The following RALGPS1 variants were observed in gnomAD, a reference collection of about 807,000 sequenced individuals.
The protein encoded by RALGPS1 is Ral GEF with PH domain and SH3 binding motif 1.
RALGPS1 carries 19 observed loss-of-function variants against 78.8 expected under a neutral mutation model. That is an observed-to-expected ratio of 0.24 (90% CI 0.17 to 0.35). The LOEUF (loss-of-function observed/expected upper bound fraction) is 0.35, where lower values mean the gene tolerates loss of function less well. RALGPS1 is among the 10% of genes least tolerant of loss of function. The pLI, the probability that RALGPS1 is intolerant of heterozygous loss-of-function variation, is 1.00. For missense variants in RALGPS1, 454 were observed against 688.3 expected, an observed-to-expected ratio of 0.66 and a Z score of 3.81; for synonymous variants, 228 against 256.3, an observed-to-expected ratio of 0.89 and a Z score of 1.06.
At chr9:126,960,697 G>A (rs751853353) in intron 1 of RALGPS1, among the ~76,000 whole-genome samples, 20 of 152,018 alleles carry the variant, frequency 1.3e-4, no homozygotes, top group African/African-American at 3.4e-4. Flanking sequence ...ATCATTTTTC[G>A]CAGTGACCTT....
At chr9:127,007,265 A>G (rs1358594903) in intron 4 of RALGPS1, among the ~76,000 whole-genome samples, 1 of 152,340 alleles carries the variant, frequency 6.6e-6, no homozygotes, top group South Asian at 2.1e-4. Context: ...TTTTCCAAAC[A>G]CTTTGCTTCC....
chr9:127,174,000 G>A (rs991381140), intron 10 of RALGPS1, among the ~76,000 whole-genome samples: 8 of 152,018 alleles, frequency 5.3e-5, no homozygotes, highest in African/African-American at 1.5e-4. Flanking sequence ...GCGACAGAGC[G>A]AGACTCTGTC....
chr9:126,925,315 G>A (rs904834223), intron 1 of RALGPS1, among the ~76,000 whole-genome samples: 5 of 152,020 alleles, frequency 3.3e-5, no homozygotes, highest in South Asian at 4.1e-4. Context: ...GGGAGGCCAA[G>A]GCAGGCAGAT....
chr9:127,039,711 G>A (rs1408922315), intron 5 of RALGPS1, among the ~76,000 whole-genome samples: 1 of 152,116 alleles, frequency 6.6e-6, no homozygotes, highest in Non-Finnish European at 1.5e-5. Flanking sequence ...AAAGGAAAGG[G>A]GCAGATGTAG....
intron 5 of RALGPS1, among the ~76,000 whole-genome samples, chr9:127,043,067 C>T (rs1044457762): frequency 9.2e-5 from 14 of 152,172 alleles, no homozygotes; most frequent in African/African-American, 3.1e-4. Flanking sequence ...GAATGGAAGA[C>T]TCAATACTGT....
chr9:127,057,803 G>A (rs1370935366), intron 7 of RALGPS1, among the ~76,000 whole-genome samples: 2 of 152,200 alleles, frequency 1.3e-5, no homozygotes, highest in South Asian at 2.1e-4. Context: ...GTCCTCATGG[G>A]CTTTCATGTT....
At chr9:127,196,734 A>G in intron 13 of RALGPS1, 103 bp downstream of exon 13, 1 of 1,366,246 alleles carries the variant, frequency 7.3e-7, no homozygotes, top group African/African-American at 1.5e-5. Flanking sequence ...TGGCGCTATC[A>G]TTCTTGGGGA....
intron 4 of RALGPS1, among the ~76,000 whole-genome samples, chr9:126,982,265 A>G (rs1366316431): frequency 6.6e-6 from 1 of 152,222 alleles, no homozygotes; most frequent in East Asian, 1.9e-4. Context: ...GAGACTGCCT[A>G]CCACAGGCCT....
chr9:127,178,860 T>C (rs883747), intron 11 of RALGPS1, among the ~76,000 whole-genome samples: 81,806 of 152,120 alleles, frequency 0.54, 23,101 homozygotes, highest in African/African-American at 0.7. Flanking sequence ...GCCCTCATGC[T>C]CCTCCGTGGC....
intron 1 of RALGPS1, among the ~76,000 whole-genome samples, chr9:126,947,128 T>G (rs190634256): frequency 3.3e-4 from 50 of 152,328 alleles, no homozygotes; most frequent in African/African-American, 1.2e-3. Flanking sequence ...AATTGATTCT[T>G]GTGGTCTTAG....
intron 4 of RALGPS1, among the ~76,000 whole-genome samples, chr9:127,000,834 G>A (rs2043230368): frequency 6.6e-6 from 1 of 151,558 alleles, no homozygotes; most frequent in Non-Finnish European, 1.5e-5. Flanking sequence ...GATTATAGGT[G>A]TGAGCCACCG....
intron 7 of RALGPS1, among the ~76,000 whole-genome samples, chr9:127,067,666 T>C (rs1460863840): frequency 6.6e-6 from 1 of 152,220 alleles, no homozygotes; most frequent in Non-Finnish European, 1.5e-5. Context: ...TTCTAGGTTC[T>C]TGCACAGAGC....
chr9:127,002,778 A>G (rs1434204886), intron 4 of RALGPS1, among the ~76,000 whole-genome samples: 1 of 151,878 alleles, frequency 6.6e-6, no homozygotes, highest in Non-Finnish European at 1.5e-5. Context: ...ACATGAACTC[A>G]TCATTTTTTA....
rs58541875 is a variant in RALGPS1, at chr9:127,041,031, T to TTGTGTGTGTGTGTGTGTGTGTGTGTG, written c.300+6527_300+6552dup. ...CTATGAATAAAGCTGCTACAAACAT[T>TTGTGTGTGTGTGTGTGTGTGTGTGTG]TGTGTGTGTGTGTGTGTGTGTGTGT... On this transcript the variant is annotated intron_variant, in intron 5 of 18. Coordinates refer to ENST00000259351, the MANE Select transcript of RALGPS1 (RefSeq NM_014636.3). Among the ~76,000 whole-genome samples the TTGTGTGTGTGTGTGTGTGTGTGTGTG allele has an allele frequency of 1.4e-4, 19 of 135,824 alleles. No individual in the cohort carries two copies. In the East Asian group the frequency reaches 2.4e-3, roughly 17 times the overall value. 89.1% of individuals were successfully genotyped at this position (135,824 alleles called of 152,430 possible). A position where few individuals can be genotyped will look rare whatever the true frequency, so the allele number is the denominator to read the frequency against.
chr9:127,121,825 C>T (rs184332000), intron 8 of RALGPS1, among the ~76,000 whole-genome samples: 11 of 152,278 alleles, frequency 7.2e-5, no homozygotes, highest in African/African-American at 2.2e-4. Context: ...TGTAACTCTC[C>T]GAGCAGGGGC....
In RALGPS1 at chr9:127,019,471, G is replaced by C. The variant is rs1160958305; in HGVS notation, c.217-14960G>C. Among the ~76,000 whole-genome samples, 3 of 152,038 alleles carry C rather than the reference G, an allele frequency of 2.0e-5. No individual in the cohort carries two copies. The East Asian group carries it at 5.8e-4, about 29-fold the overall frequency. On this transcript the variant is annotated intron_variant, in intron 4 of 18. Transcript: ENST00000259351. ...GCCTCCCGAGTAGCTGTGACTACAG[G>C]TGCCCGCCACCATGCCTGGCTAATT...
At chr9:126,919,133 A>G (rs2034493327) in intron 1 of RALGPS1, among the ~76,000 whole-genome samples, 1 of 152,152 alleles carries the variant, frequency 6.6e-6, no homozygotes, top group South Asian at 2.1e-4. Flanking sequence ...TTTTATACAT[A>G]CTCATTGGTG....
chr9:127,015,777 T>C (rs558997389), intron 4 of RALGPS1, among the ~76,000 whole-genome samples: 26 of 152,218 alleles, frequency 1.7e-4, no homozygotes, highest in Non-Finnish European at 7.4e-5. Context: ...TACCACCCAT[T>C]TGTTCCCCTC....
intron 8 of RALGPS1, among the ~76,000 whole-genome samples, chr9:127,125,293 C>T (rs775861092): frequency 5.9e-5 from 9 of 152,252 alleles, no homozygotes; most frequent in Admixed American, 3.3e-4. Flanking sequence ...GGGGTGTGTG[C>T]GGGCCATGTA....
Sources: gnomAD v4.1 joint callset for allele counts (sites outside exome capture counted in the v4.1 genomes callset) on GRCh38, gnomAD v4.1.1 for gene constraint, MANE v1.5 for transcripts, NCBI Gene and HGNC (gene_info 2026-07-23, HGNC 2026-07-21) for gene names.